TMIGD3: variants seen among roughly 807,000 people sequenced by gnomAD.
The protein encoded by TMIGD3 is AD026 protein (AD026).
TMIGD3 carries 21 observed loss-of-function variants against 28.1 expected under a neutral mutation model. The ratio of observed to expected loss-of-function variants is 0.75; its 90% CI spans 0.53 to 1.08. The LOEUF (loss-of-function observed/expected upper bound fraction) is 1.08. TMIGD3 is among the 50% of genes least tolerant of loss of function. The pLI, the probability that TMIGD3 is intolerant of heterozygous loss-of-function variation, is 0.00. For synonymous variants in TMIGD3, 151 were observed against 162.1 expected, an observed-to-expected ratio of 0.93 and a Z score of 0.52; for missense variants, 416 against 435.6, an observed-to-expected ratio of 0.96 and a Z score of 0.40.
upstream of TMIGD3, among the ~76,000 whole-genome samples, chr1:111,507,878 CT>C (rs997690366): frequency 1.2e-4 from 18 of 152,260 alleles, no homozygotes; most frequent in African/African-American, 4.3e-4. Context: ...TCCTAGGCCC[CT>C]CCCCCACCAC....
At chr1:111,541,676 GAGAA>G (rs1362222727) in intron 1 of TMIGD3, among the ~76,000 whole-genome samples, 1 of 143,092 alleles carries the variant, frequency 7.0e-6, no homozygotes, top group East Asian at 1.9e-4. Context: ...GAGAGAGAGA[GAGAA>G]AGAGAGAGAG....
At chr1:111,531,074 T>A (rs1023229448) in intron 1 of TMIGD3, among the ~76,000 whole-genome samples, 3 of 152,208 alleles carry the variant, frequency 2.0e-5, no homozygotes, top group Non-Finnish European at 2.9e-5. Flanking sequence ...GCTCAGGAGC[T>A]CGAGACCAGC....
chr1:111,558,365 T>C (rs1008311170), intron 1 of TMIGD3, among the ~76,000 whole-genome samples: 12 of 143,154 alleles, frequency 8.4e-5, no homozygotes, highest in Admixed American at 6.9e-4. Context: ...TTTTTTTTTT[T>C]GTCTTAAGAC....
chr1:111,507,007 A>ATG (rs1491528638), upstream of TMIGD3, among the ~76,000 whole-genome samples: 41 of 79,754 alleles, frequency 5.1e-4, 1 homozygote, highest in Middle Eastern at 5.5e-3. Context: ...ATACACACAC[A>ATG]TATGTGTGTG....
upstream of TMIGD3, among the ~76,000 whole-genome samples, chr1:111,506,964 TAC>T (rs1213927275): frequency 1.6e-5 from 2 of 126,968 alleles, no homozygotes; most frequent in African/African-American, 2.9e-5. Context: ...CATATATATA[TAC>T]ACACACACAC....
At chr1:111,538,146 C>A (rs1173424282) in intron 1 of TMIGD3, among the ~76,000 whole-genome samples, 1 of 152,114 alleles carries the variant, frequency 6.6e-6, no homozygotes, top group African/African-American at 2.4e-5. Flanking sequence ...CTATGATGTG[C>A]AGAAAACCAC....
At chr1:111,520,379 C>T (rs1656017099) in intron 1 of TMIGD3, among the ~76,000 whole-genome samples, 1 of 152,096 alleles carries the variant, frequency 6.6e-6, no homozygotes, top group Non-Finnish European at 1.5e-5. Context: ...ATTACAAGAT[C>T]ATAAAATCAA....
chr1:111,511,241 A>T (rs1374442574), intron 1 of TMIGD3, among the ~76,000 whole-genome samples: 2 of 152,144 alleles, frequency 1.3e-5, no homozygotes, highest in African/African-American at 4.8e-5. Context: ...AAACTCCTTA[A>T]ATGTAGAAAT....
At chr1:111,539,083 C>T (rs955650575) in intron 1 of TMIGD3, among the ~76,000 whole-genome samples, 4 of 152,108 alleles carry the variant, frequency 2.6e-5, no homozygotes, top group South Asian at 4.2e-4. Context: ...TTTTTTTTAA[C>T]TTCTTTAAAA....
At chr1:111,533,818 T>G (rs943052078) in intron 1 of TMIGD3, among the ~76,000 whole-genome samples, 14 of 152,100 alleles carry the variant, frequency 9.2e-5, no homozygotes, top group Non-Finnish European at 1.9e-4. Flanking sequence ...GCCCCTAAAG[T>G]GCTGGGATTA....
chr1:111,486,404 T>A (rs1419949408), intron 4 of TMIGD3, among the ~76,000 whole-genome samples, 182 bp downstream of exon 4: 1 of 87,832 alleles, frequency 1.1e-5, no homozygotes, highest in Non-Finnish European at 2.0e-5. Context: ...TAAACTGTAT[T>A]TTTTTTTTTT....
intron 1 of TMIGD3, among the ~76,000 whole-genome samples, chr1:111,512,045 C>G (rs911055075): frequency 2.1e-4 from 32 of 152,220 alleles, no homozygotes; most frequent in African/African-American, 7.2e-4. Flanking sequence ...TAGCAAGCCC[C>G]CTTCACTGGC....
intron 1 of TMIGD3, among the ~76,000 whole-genome samples, chr1:111,545,474 G>T (rs1657002232): frequency 6.6e-6 from 1 of 151,956 alleles, no homozygotes; most frequent in African/African-American, 2.4e-5. Context: ...TGGATTATTT[G>T]TCCTTTTATT....
intron 1 of TMIGD3, among the ~76,000 whole-genome samples, chr1:111,540,671 C>T (rs1450054776): frequency 6.6e-6 from 1 of 152,196 alleles, no homozygotes; most frequent in Non-Finnish European, 1.5e-5. Context: ...AGACAACAGC[C>T]TCACAGAGAC....
intron 1 of TMIGD3, among the ~76,000 whole-genome samples, chr1:111,522,215 T>C (rs1311643209): frequency 6.6e-6 from 1 of 152,232 alleles, no homozygotes; most frequent in Non-Finnish European, 1.5e-5. Flanking sequence ...CTTGGTTCTT[T>C]TTCAAAGTTG....
At chr1:111,505,486 T>C (rs550052503), upstream of TMIGD3, among the ~76,000 whole-genome samples, 1 of 152,358 alleles carries the variant, frequency 6.6e-6, no homozygotes, top group South Asian at 2.1e-4. Flanking sequence ...CTTCATGTTC[T>C]CTGAATAGAC....
At chr1:111,537,429 C>T (rs1571446304) in intron 1 of TMIGD3, among the ~76,000 whole-genome samples, 1 of 152,218 alleles carries the variant, frequency 6.6e-6, no homozygotes, top group Non-Finnish European at 1.5e-5. Flanking sequence ...ACTTGCTGAG[C>T]ATCTGACATC....
chr1:111,492,213 T>A (rs1353311512), intron 1 of TMIGD3, among the ~76,000 whole-genome samples: 1 of 152,132 alleles, frequency 6.6e-6, no homozygotes, highest in Non-Finnish European at 1.5e-5. Context: ...CCTAGCACCC[T>A]CATGAGACAC....
chr1:111,557,413 G>A (rs998842098), intron 1 of TMIGD3, among the ~76,000 whole-genome samples: 1 of 151,970 alleles, frequency 6.6e-6, no homozygotes, highest in Non-Finnish European at 1.5e-5. Context: ...AGCTGAGCAT[G>A]GTGGGACCCG....
Sources: gnomAD v4.1 joint callset for allele counts (sites outside exome capture counted in the v4.1 genomes callset) on GRCh38, gnomAD v4.1.1 for gene constraint, MANE v1.5 for transcripts, NCBI Gene and HGNC (gene_info 2026-07-23, HGNC 2026-07-21) for gene names.